The following KLHL1 variants were observed in gnomAD, a reference collection of about 807,000 sequenced individuals.
KLHL1 encodes kelch like family member 1.
In KLHL1, 47 loss-of-function variants were observed where a neutral mutation model predicts 77.7. That is an observed-to-expected ratio of 0.60 (90% confidence interval 0.48 to 0.77). KLHL1 has a LOEUF of 0.77. Ranked by LOEUF, KLHL1 falls within the 30% of genes least tolerant of loss-of-function variation. The probability of loss-of-function intolerance (pLI) is 0.00; values close to 1 mark genes in which losing one functional copy is unlikely to be tolerated. For missense variants in KLHL1, 925 were observed against 910.8 expected (o/e 1.02, Z -0.20); for synonymous variants, 360 against 325.2 (o/e 1.11, Z -1.15).
At chr13:70,085,203 AAGAG>A (rs1257399580) in intron 1 of KLHL1, among the ~76,000 whole-genome samples, 1 of 152,190 alleles carries the variant, frequency 6.6e-6, no homozygotes, top group Admixed American at 6.5e-5. Context: ...AAGCTAAACA[AAGAG>A]AGAAACAGAA....
chr13:69,779,388 C>T (rs1405265920), intron 7 of KLHL1, among the ~76,000 whole-genome samples: 2 of 150,624 alleles, frequency 1.3e-5, no homozygotes, highest in Non-Finnish European at 3.0e-5. Context: ...CTCTCCTCCC[C>T]TGTCCTCCCC....
rs1405358215 is a variant in KLHL1 at position 69,982,202 on chromosome 13, G to A, written c.498-6400C>T. Among the ~76,000 whole-genome samples the A allele has an allele frequency of 3.3e-5, 5 of 151,764 alleles. No homozygotes were observed. The East Asian group carries it at 9.7e-4, about 29-fold the overall frequency. The stretch of plus-strand genomic sequence containing the variant: ...TAATCCTAGCACTTTGGGAGGCCAA[G>A]GCGGGCGGATTACCTGAGTTCAGGA... On this transcript the variant is annotated intron_variant, in intron 1 of 10. Transcript: ENST00000377844.
intron 5 of KLHL1, among the ~76,000 whole-genome samples, chr13:69,845,793 C>T (rs3012098): frequency 0.98 from 148,575 of 151,408 alleles, 72,953 homozygotes; most frequent in East Asian, 1. Flanking sequence ...TAAAACATAA[C>T]TAAGTGGAGT....
At chr13:69,788,783 G>T (rs1876702924) in intron 7 of KLHL1, among the ~76,000 whole-genome samples, 1 of 152,078 alleles carries the variant, frequency 6.6e-6, no homozygotes, top group Admixed American at 6.6e-5. Flanking sequence ...CAGAAGTGAT[G>T]AATAAAATGA....
At chr13:69,782,253 C>A (rs9572280) in intron 7 of KLHL1, among the ~76,000 whole-genome samples, 54,850 of 151,750 alleles carry the variant, frequency 0.36, 10,117 homozygotes, top group African/African-American at 0.43. Flanking sequence ...AAGATGGGTG[C>A]TTTCTGCATT....
chr13:69,972,797 A>G (rs565623848), intron 2 of KLHL1, among the ~76,000 whole-genome samples: 8 of 152,032 alleles, frequency 5.3e-5, no homozygotes, highest in African/African-American at 1.9e-4. Flanking sequence ...TCTGTACATT[A>G]TATCAGACAA....
chr13:69,766,470 T>TTA (rs1043928266), intron 7 of KLHL1, among the ~76,000 whole-genome samples: 57 of 149,838 alleles, frequency 3.8e-4, no homozygotes, highest in South Asian at 2.1e-4. Flanking sequence ...CACCTAATTT[T>TTA]TATATATATA....
chr13:69,987,879 A>G (rs972452582), intron 1 of KLHL1, among the ~76,000 whole-genome samples: 2 of 152,124 alleles, frequency 1.3e-5, no homozygotes, highest in African/African-American at 4.8e-5. Context: ...TACTATGAAA[A>G]GATACATTAA....
At chr13:69,916,039 G>C (rs1325805018) in intron 4 of KLHL1, among the ~76,000 whole-genome samples, 3 of 152,156 alleles carry the variant, frequency 2.0e-5, no homozygotes, top group African/African-American at 7.2e-5. Flanking sequence ...ACCACAATGA[G>C]ATACCATCTC....
intron 7 of KLHL1, among the ~76,000 whole-genome samples, chr13:69,755,988 C>T (rs540509301): frequency 1.3e-5 from 2 of 152,254 alleles, no homozygotes; most frequent in African/African-American, 4.8e-5. Flanking sequence ...TCCCAGGGGC[C>T]TCACTGTTTT....
chr13:70,061,798 T>A (rs921397965), intron 1 of KLHL1, among the ~76,000 whole-genome samples: 3 of 152,222 alleles, frequency 2.0e-5, no homozygotes, highest in Non-Finnish European at 4.4e-5. Flanking sequence ...TTATCTTTTT[T>A]ACCTTTTATA....
At chr13:69,713,229 A>C (rs1875962638) in intron 9 of KLHL1, among the ~76,000 whole-genome samples, 1 of 152,178 alleles carries the variant, frequency 6.6e-6, no homozygotes. Context: ...TATTTATCAC[A>C]TAATCTTGAA....
At chr13:69,760,179 G>T (rs1874953152) in intron 7 of KLHL1, among the ~76,000 whole-genome samples, 1 of 151,994 alleles carries the variant, frequency 6.6e-6, no homozygotes, top group Non-Finnish European at 1.5e-5. Flanking sequence ...AGCCTATTAA[G>T]GAGTAAGACA....
intron 7 of KLHL1, among the ~76,000 whole-genome samples, chr13:69,796,223 A>G (rs544429927): frequency 1.7e-4 from 26 of 152,334 alleles, no homozygotes; most frequent in Non-Finnish European, 1.8e-4. Context: ...AAATAAGCCC[A>G]TAATTTACTT....
chr13:70,042,443 T>C (rs1475945442), intron 1 of KLHL1, among the ~76,000 whole-genome samples: 3 of 152,146 alleles, frequency 2.0e-5, no homozygotes, highest in African/African-American at 4.8e-5. Flanking sequence ...CAATGTACCA[T>C]ATATACATGG....
At chr13:69,833,647 A>G (rs953527683) in intron 6 of KLHL1, among the ~76,000 whole-genome samples, 2 of 151,936 alleles carry the variant, frequency 1.3e-5, no homozygotes, top group Admixed American at 6.6e-5. Flanking sequence ...TGAAAAAGAC[A>G]TTTGCACATA....
chr13:69,826,000 A>G (rs1878529528), intron 6 of KLHL1, among the ~76,000 whole-genome samples: 1 of 151,734 alleles, frequency 6.6e-6, no homozygotes, highest in Non-Finnish European at 1.5e-5. Flanking sequence ...AAAAAAAAAG[A>G]TTTATTTATT....
chr13:69,987,965 CTTTTA>C (rs1224960241), intron 1 of KLHL1, among the ~76,000 whole-genome samples: 1 of 151,382 alleles, frequency 6.6e-6, no homozygotes, highest in Non-Finnish European at 1.5e-5. Flanking sequence ...TTTAATTTAT[CTTTTA>C]TTTTAGGTTC....
At chr13:69,727,483 CA>C (rs999823816) in intron 8 of KLHL1, among the ~76,000 whole-genome samples, 11 of 152,132 alleles carry the variant, frequency 7.2e-5, no homozygotes, top group Admixed American at 4.6e-4. Context: ...GGGGTGTGGA[CA>C]ATCTAGGTAG....
Sources: gnomAD v4.1 joint callset for allele counts (sites outside exome capture counted in the v4.1 genomes callset) on GRCh38, gnomAD v4.1.1 for gene constraint, MANE v1.5 for transcripts, NCBI Gene and HGNC (gene_info 2026-07-23, HGNC 2026-07-21) for gene names.